Variants in ANAPC10 observed in about 807,000 individuals in gnomAD.
The protein encoded by ANAPC10 is anaphase-promoting complex subunit 10.
ANAPC10 carries 12 observed loss-of-function variants against 22.0 expected under a neutral mutation model. That is an observed-to-expected ratio of 0.55 (90% CI 0.35 to 0.88). ANAPC10 has a LOEUF of 0.88. Ranked by LOEUF, ANAPC10 falls within the 40% of genes least tolerant of loss-of-function variation. ANAPC10 has a pLI of 0.01. For missense variants in ANAPC10, 188 were observed against 220.9 expected, an observed-to-expected ratio of 0.85 and a Z score of 0.94; for synonymous variants, 65 against 69.5, an observed-to-expected ratio of 0.94 and a Z score of 0.32.
intron 4 of ANAPC10, among the ~76,000 whole-genome samples, chr4:145,028,073 A>C (rs970386575): frequency 6.6e-6 from 1 of 152,174 alleles, no homozygotes. Context: ...GGGGAAGCTG[A>C]AAGAGCTGTT....
At chr4:145,058,483 T>C (rs1742393101) in intron 4 of ANAPC10, among the ~76,000 whole-genome samples, 1 of 152,304 alleles carries the variant, frequency 6.6e-6, no homozygotes, top group South Asian at 2.1e-4. Context: ...ATTTTTTGCA[T>C]ATCTCTTCCA....
At chr4:145,093,995 T>C (rs985543946) in intron 2 of ANAPC10, among the ~76,000 whole-genome samples, 1 of 152,172 alleles carries the variant, frequency 6.6e-6, no homozygotes, top group Admixed American at 6.5e-5. Context: ...TTTTGCCTTA[T>C]TCTACTGGTC....
At chr4:145,098,046 T>A (rs1748863835) in intron 1 of ANAPC10, 74 bp downstream of exon 1, 1 of 155,498 alleles carries the variant, frequency 6.4e-6, no homozygotes, top group East Asian at 1.9e-4. Flanking sequence ...AAAAAAAGAT[T>A]GAAACCGGAG....
chr4:145,076,578 C>A (rs1325573246), intron 3 of ANAPC10, among the ~76,000 whole-genome samples: 1 of 152,142 alleles, frequency 6.6e-6, no homozygotes, highest in Non-Finnish European at 1.5e-5. Flanking sequence ...AGTTGCCCAG[C>A]AATGGTTCTT....
intron 4 of ANAPC10, among the ~76,000 whole-genome samples, chr4:145,009,478 A>G (rs1010619654): frequency 3.3e-5 from 5 of 152,330 alleles, no homozygotes; most frequent in African/African-American, 1.2e-4. Context: ...ACAGAGATGT[A>G]GACCAATGGA....
chr4:145,021,763 T>C (rs1208815225), intron 4 of ANAPC10, among the ~76,000 whole-genome samples: 1 of 151,992 alleles, frequency 6.6e-6, no homozygotes, highest in Non-Finnish European at 1.5e-5. Context: ...ATCTTCACAA[T>C]CTATACATCT....
intron 4 of ANAPC10, among the ~76,000 whole-genome samples, chr4:145,009,287 C>A (rs1276343135): frequency 2.6e-5 from 4 of 152,050 alleles, no homozygotes; most frequent in Admixed American, 1.3e-4. Flanking sequence ...AATGTCATCC[C>A]CATCAAACTA....
At chr4:145,062,886 C>G (rs1237203580) in intron 4 of ANAPC10, among the ~76,000 whole-genome samples, 1 of 152,058 alleles carries the variant, frequency 6.6e-6, no homozygotes, top group African/African-American at 2.4e-5. Flanking sequence ...AACTGGAGAA[C>G]ACTATTGTTA....
intron 4 of ANAPC10, chr4:145,053,578 T>C: frequency 7.1e-6 from 3 of 425,148 alleles, no homozygotes; most frequent in Non-Finnish European, 8.3e-6. Context: ...TACCATCAAC[T>C]ATAATTTCAA....
At chr4:145,023,249 C>T (rs1736214133) in intron 4 of ANAPC10, among the ~76,000 whole-genome samples, 1 of 152,000 alleles carries the variant, frequency 6.6e-6, no homozygotes. Context: ...AACAGGCAAA[C>T]AAAACTTTAG....
At chr4:145,090,139 A>AG in intron 2 of ANAPC10, among the ~76,000 whole-genome samples, 1 of 152,322 alleles carries the variant, frequency 6.6e-6, no homozygotes, top group East Asian at 1.9e-4. Context: ...GATTGGTACC[A>AG]GGACCTCTGT....
intron 4 of ANAPC10, among the ~76,000 whole-genome samples, chr4:145,010,206 C>T (rs1292041239): frequency 6.6e-6 from 1 of 152,114 alleles, no homozygotes; most frequent in African/African-American, 2.4e-5. Flanking sequence ...GAAATAGGAA[C>T]ATTTTTACAC....
chr4:145,066,870 C>T (rs1375597007), intron 3 of ANAPC10, among the ~76,000 whole-genome samples: 3 of 151,996 alleles, frequency 2.0e-5, no homozygotes, highest in Non-Finnish European at 4.4e-5. Context: ...TGTCTGTCGA[C>T]CTCACATGAT....
At chr4:145,020,346 C>A (rs1282458592) in intron 4 of ANAPC10, among the ~76,000 whole-genome samples, 1 of 152,144 alleles carries the variant, frequency 6.6e-6, no homozygotes, top group African/African-American at 2.4e-5. Flanking sequence ...ATGATCATCT[C>A]ACCAGATGCA....
chr4:145,022,370 T>G (rs1341462532), intron 4 of ANAPC10, among the ~76,000 whole-genome samples: 1 of 152,114 alleles, frequency 6.6e-6, no homozygotes, highest in Non-Finnish European at 1.5e-5. Context: ...CGCAGCGACC[T>G]GGATGAGATC....
At chr4:145,097,403 G>A in intron 1 of ANAPC10, 3 of 1,026,652 alleles carry the variant, frequency 2.9e-6, no homozygotes, top group Admixed American at 2.3e-5. Context: ...ACTGGATCGT[G>A]AACAATATGT....
chr4:145,032,275 G>A (rs748680743), intron 4 of ANAPC10, among the ~76,000 whole-genome samples: 3 of 152,336 alleles, frequency 2.0e-5, no homozygotes, highest in East Asian at 3.9e-4. Flanking sequence ...GCAGAACTTC[G>A]AGCAGTGCAC....
chr4:145,031,655 A>G (rs1737598831), intron 4 of ANAPC10, among the ~76,000 whole-genome samples: 1 of 152,206 alleles, frequency 6.6e-6, no homozygotes. Context: ...CTTGGGCCAT[A>G]TAACTCAGCA....
chr4:145,062,686 C>A (rs1743072337), intron 4 of ANAPC10, among the ~76,000 whole-genome samples: 1 of 151,976 alleles, frequency 6.6e-6, no homozygotes, highest in Non-Finnish European at 1.5e-5. Flanking sequence ...TAACAAACAA[C>A]CTGAGTTCAG....
Sources: gnomAD v4.1 joint callset for allele counts (sites outside exome capture counted in the v4.1 genomes callset) on GRCh38, gnomAD v4.1.1 for gene constraint, MANE v1.5 for transcripts, NCBI Gene and HGNC (gene_info 2026-07-23, HGNC 2026-07-21) for gene names.